GJB3: variants seen among roughly 807,000 people sequenced by gnomAD.
GJB3 encodes gap junction protein beta 3.
Under a neutral mutation model 8.1 loss-of-function variants are expected in GJB3, and 6 were observed. The ratio of observed to expected loss-of-function variants is 0.75; its 90% CI spans 0.41 to 1.47. GJB3 has a LOEUF of 1.47. Ranked by LOEUF, GJB3 falls within the 40% of genes most tolerant of loss-of-function variation. GJB3 has a pLI of 0.02. For missense variants in GJB3, 348 were observed against 365.6 expected, an observed-to-expected ratio of 0.95 and a Z score of 0.39; for synonymous variants, 137 against 156.4, an observed-to-expected ratio of 0.88 and a Z score of 0.93.
At chr1:34,783,924 G>A (rs898069095) in intron 1 of GJB3, among the ~76,000 whole-genome samples, 2 of 152,166 alleles carry the variant, frequency 1.3e-5, no homozygotes, top group Admixed American at 1.3e-4. Flanking sequence ...AGCACAGGGA[G>A]CAGGGAGTTT....
chr1:34,782,697 C>A (rs1215379121), intron 1 of GJB3, among the ~76,000 whole-genome samples: 1 of 152,086 alleles, frequency 6.6e-6, no homozygotes, highest in Non-Finnish European at 1.5e-5. Context: ...ATGAGGTCTT[C>A]CCAATCACCC....
intron 1 of GJB3, among the ~76,000 whole-genome samples, chr1:34,783,084 A>AG (rs1222476666): frequency 2.0e-5 from 3 of 152,138 alleles, no homozygotes; most frequent in African/African-American, 7.2e-5. Context: ...AAGAAAACAG[A>AG]GGGGGCTGGA....
At chr1:34,783,942 A>C (rs1027818477) in intron 1 of GJB3, among the ~76,000 whole-genome samples, 2 of 152,044 alleles carry the variant, frequency 1.3e-5, no homozygotes, top group African/African-American at 4.8e-5. Flanking sequence ...TTTTCTCTAG[A>C]TATTCCCTGG....
intron 1 of GJB3, among the ~76,000 whole-genome samples, chr1:34,782,684 A>G (rs1313082004): frequency 6.6e-6 from 1 of 152,074 alleles, no homozygotes; most frequent in Non-Finnish European, 1.5e-5. Context: ...AGGGTTTCCA[A>G]GAATGAGGTC....
chr1:34,784,132 G>A (rs1210886341), intron 1 of GJB3, among the ~76,000 whole-genome samples: 3 of 152,180 alleles, frequency 2.0e-5, no homozygotes, highest in African/African-American at 7.2e-5. Flanking sequence ...ATAGTAGTGA[G>A]GCATCCACAA....
In GJB3 at chr1:34,785,574, G is replaced by T; in HGVS notation, c.812G>T (p.Ter271LeuextTer30). The T allele has an allele frequency of 6.2e-7, 1 of 1,613,456 alleles. No individual in the cohort carries two copies. The highest frequency in any genetic ancestry group is 1.1e-5 in the South Asian group (1 of 91,022). ...TCAGCACCCAACCTGACCCCCATCT[G>T]ACCACAGGGCAGGGGTGGGGCAACA... Reference protein sequence around the residue: ...QASAPNLTPI* With the variant: ...QASAPNLTPIL The change falls in exon 2 of 2, where the codon TGA becomes TTA. Residue 271 changes from the stop codon to leucine, a stop_lost. Coordinates refer to ENST00000373366, the MANE Select transcript of GJB3 (RefSeq NM_024009.3). The surrounding 1 kb of genome is among the most constrained non-coding windows in gnomAD (Gnocchi z 4.7).
chr1:34,785,504 G>A lies in GJB3; in HGVS notation c.742G>A (p.Ala248Thr). 6.2e-7 allele frequency: 1 copy of A among 1,614,134 alleles called. No homozygotes were observed. The highest frequency in any genetic ancestry group is 8.5e-7 in the Non-Finnish European group (1 of 1,180,022). The change falls in exon 2 of 2, where the codon GCT becomes ACT. Residue 248 changes from alanine to threonine, a missense_variant. Transcript: ENST00000373366. The surrounding 1 kb of genome is among the most constrained non-coding windows in gnomAD (Gnocchi z 4.7). ...CCGCTGCCACCACAAGCTGGTGGAG[G>A]CTGGGGAGGTGGATCCAGACCCAGG... The part of the protein sequence containing the change: ...TCRCHHKLVE[A>T]GEVDPDPGNN...
At position 34,784,957 on chromosome 1, in the gene GJB3, C is replaced by T. The variant is rs775961167; in HGVS notation, c.195C>T (p.Tyr65=). 16 of 1,613,908 alleles carry T rather than the reference C, an allele frequency of 9.9e-6. No homozygotes were observed. In the South Asian group the frequency reaches 1.1e-4, roughly 11 times the overall value. The change falls in exon 2 of 2, where the codon TAC becomes TAT. Residue 65 remains tyrosine (Y), a synonymous_variant. Transcript: ENST00000373366. ...TKQPGCTNVC[Y]DNYFPISNIR... is the part of the protein sequence containing the mutation. ...AGCCCGGCTGCACCAACGTCTGCTA[C>T]GACAACTACTTCCCCATCTCCAACA...
Position 34,784,805 on chromosome 1 carries a change from A to C in GJB3, c.43A>C (p.Lys15Gln). ...TLQALLSGVNKYSTAFGRIWL... is the reference protein window; with the variant it reads ...TLQALLSGVNQYSTAFGRIWL... ...CCAGGCCCTACTGAGCGGTGTGAAC[A>C]AGTACTCCACAGCGTTCGGGCGCAT... Residue 15 changes from lysine (K) to glutamine (Q), a missense_variant, in exon 2 of 2, where the codon AAG (lysine) becomes CAG (glutamine). Lys to Gln is a moderately conservative substitution (Grantham distance 53). Coordinates refer to ENST00000373366, the MANE Select transcript of GJB3 (RefSeq NM_024009.3). 1 of 1,614,198 alleles carries C rather than the reference A, an allele frequency of 6.2e-7. No homozygotes were observed. The highest frequency in any genetic ancestry group is 8.5e-7 in the Non-Finnish European group (1 of 1,180,030).
In GJB3 at chr1:34,786,068, C is replaced by T. The variant is rs13774; in HGVS notation, c.*493C>T. On this transcript the variant is annotated 3_prime_UTR_variant, in exon 2 of 2. Transcript: ENST00000373366. This position sits in a 1 kb window ranked among gnomAD's most constrained non-coding sequence, Gnocchi z 4.4. The stretch of plus-strand genomic sequence containing the variant: ...CCCTCCAGAGGAGCCGCCCAGATTC[C>T]TGCAGTGGAGAGGAGGTCTTCCAGC... 0.1 allele frequency: 17,751 copies of T among 178,256 alleles called. 1,061 individuals are homozygous for T. The highest frequency in any genetic ancestry group is 0.14 in the Middle Eastern group (45 of 316). 11.0% of individuals were successfully genotyped at this position (178,256 alleles called of 1,614,324 possible).
Position 34,784,926 on chromosome 1 carries a change from C to T in GJB3, c.164C>T (p.Thr55Ile). Reference sequence around the variant, plus strand: ...GAGCAGAAGGACTTTGACTGCAACACCAAGCAGCCCGGCTGCACCAACGTC... The same window carrying T: ...GAGCAGAAGGACTTTGACTGCAACATCAAGCAGCCCGGCTGCACCAACGTC... Reference protein sequence around the residue: ...GDEQKDFDCNTKQPGCTNVCY... With the variant: ...GDEQKDFDCNIKQPGCTNVCY... The change falls in exon 2 of 2, where the codon ACC (threonine) becomes ATC (isoleucine). Residue 55 changes from threonine to isoleucine, a missense_variant. Thr to Ile is a moderately conservative substitution (Grantham distance 89). Coordinates refer to ENST00000373366, the MANE Select transcript of GJB3 (RefSeq NM_024009.3). 6.2e-7 allele frequency: 1 copy of T among 1,614,170 alleles called. No individual in the cohort carries two copies. Among genetic ancestry groups the T allele is most frequent in the Non-Finnish European group, 8.5e-7 (1 of 1,180,024 alleles).
rs1640007942 is a variant in GJB3, at chr1:34,781,511, C to G, written c.-293C>G. ...CCCTGATCTCATTGGAGCCTTCGGA[C>G]AGCCCAGCCCATGGCCACCGATGCC... On this transcript the variant is annotated 5_prime_UTR_variant, in exon 1 of 2. Transcript: ENST00000373366. The surrounding 1 kb of genome is among the most constrained non-coding windows in gnomAD (Gnocchi z 6.2). The G allele has an allele frequency of 6.6e-6, 1 of 152,432 alleles. No homozygotes were observed. Among genetic ancestry groups the G allele is most frequent in the Non-Finnish European group, 1.5e-5 (1 of 68,084 alleles). 9.4% of individuals were successfully genotyped at this position (152,432 alleles called of 1,614,324 possible).
At chr1:34,783,548 A>G (rs1342555934) in intron 1 of GJB3, among the ~76,000 whole-genome samples, 2 of 152,042 alleles carry the variant, frequency 1.3e-5, no homozygotes, top group African/African-American at 4.8e-5. Context: ...GATTTAATGG[A>G]CTCTAGGGGC....
At chr1:34,783,395 G>A (rs1474177242) in intron 1 of GJB3, among the ~76,000 whole-genome samples, 1 of 152,234 alleles carries the variant, frequency 6.6e-6, no homozygotes, top group Non-Finnish European at 1.5e-5. Flanking sequence ...GGTTCTGGAG[G>A]AAGAGCATTC....
In GJB3 at chr1:34,785,326, C is replaced by T; in HGVS notation, c.564C>T (p.Thr188=). The T allele has an allele frequency of 6.2e-7, 1 of 1,614,020 alleles. No individual in the cohort carries two copies. Among genetic ancestry groups the T allele is most frequent in the Non-Finnish European group, 8.5e-7 (1 of 1,180,030 alleles). The change falls in exon 2 of 2, where the codon ACC becomes ACT. Residue 188 remains threonine, a synonymous_variant. Transcript: ENST00000373366. The surrounding 1 kb of genome is among the most constrained non-coding windows in gnomAD (Gnocchi z 4.7). ...GACCTACCGAGAAGAAAATCTTCAC[C>T]TACTTCATGGTGGGCGCCTCCGCCG... ...IARPTEKKIF[T]YFMVGASAVC...
At chr1:34,782,228 ATTCT>A (rs1243526597) in intron 1 of GJB3, 1 of 152,164 alleles carries the variant, frequency 6.6e-6, no homozygotes, top group Admixed American at 6.5e-5. Flanking sequence ...TGGGAAGGAA[ATTCT>A]TTGCCAGTGA....
chr1:34,781,825 G>A lies in GJB3; in HGVS notation c.-26+47G>A. On this transcript the variant is annotated intron_variant, in intron 1 of 1. Coordinates refer to ENST00000373366, the MANE Select transcript of GJB3 (RefSeq NM_024009.3). This position sits in a 1 kb window ranked among gnomAD's most constrained non-coding sequence, Gnocchi z 6.2. ...GCGAGGCTGGGCGGGACCCTCAGGG[G>A]CGCCAAGCGCTCCTGGCGACCCCCT... 6.6e-6 allele frequency: 1 copy of A among 152,456 alleles called. No individual in the cohort carries two copies. The highest frequency in any genetic ancestry group is 1.5e-5 in the Non-Finnish European group (1 of 68,124). 9.4% of individuals were successfully genotyped at this position (152,456 alleles called of 1,614,324 possible). A position where few individuals can be genotyped will look rare whatever the true frequency, so the allele number is the denominator to read the frequency against.
chr1:34,785,559 A>G lies in GJB3; in HGVS notation c.797A>G (p.Asn266Ser). ...AACAAGCTGCAGGCTTCAGCACCCA[A>G]CCTGACCCCCATCTGACCACAGGGC... Reference protein sequence around the residue: ...GNNKLQASAPNLTPI With the variant: ...GNNKLQASAPSLTPI Residue 266 changes from asparagine to serine, a missense_variant, in exon 2 of 2, where the codon AAC becomes AGC. Coordinates refer to ENST00000373366, the MANE Select transcript of GJB3 (RefSeq NM_024009.3). This position sits in a 1 kb window ranked among gnomAD's most constrained non-coding sequence, Gnocchi z 4.7. 6.2e-7 allele frequency: 1 copy of G among 1,613,574 alleles called. No homozygotes were observed. Among genetic ancestry groups the G allele is most frequent in the Non-Finnish European group, 8.5e-7 (1 of 1,179,780 alleles).
intron 1 of GJB3, among the ~76,000 whole-genome samples, chr1:34,783,422 G>T (rs1416393864): frequency 2.0e-5 from 3 of 152,224 alleles, no homozygotes; most frequent in African/African-American, 4.8e-5. Flanking sequence ...GAAGGAATCA[G>T]TAAAAAGCCC....
Sources: gnomAD v4.1 joint callset for allele counts (sites outside exome capture counted in the v4.1 genomes callset) on GRCh38, gnomAD v4.1.1 for gene constraint, Gnocchi (gnomAD v3.1) non-coding constraint, MANE v1.5 for transcripts, NCBI Gene and HGNC (gene_info 2026-07-23, HGNC 2026-07-21) for gene names.